The following GRK4 variants were observed in gnomAD, a reference collection of about 807,000 sequenced individuals.
The protein encoded by GRK4 is G protein-coupled receptor kinase 2-like.
In GRK4, 73 loss-of-function variants were observed where a neutral mutation model predicts 77.9. That is an observed-to-expected ratio of 0.94 (90% CI 0.78 to 1.14). The LOEUF (loss-of-function observed/expected upper bound fraction) is 1.14. Ranked by LOEUF, GRK4 falls within the 50% of genes most tolerant of loss-of-function variation. The probability of loss-of-function intolerance (pLI) is 0.00; values close to 1 mark genes in which losing one functional copy is unlikely to be tolerated. For missense variants in GRK4, 729 were observed against 700.2 expected (o/e 1.04, Z -0.46); for synonymous variants, 257 against 254.4 (o/e 1.01, Z -0.10).
intron 13 of GRK4, among the ~76,000 whole-genome samples, chr4:3,037,044 GGTGTGTGTGTGTGTGTGT>G (rs1271637092): frequency 6.9e-6 from 1 of 144,276 alleles, no homozygotes; most frequent in African/African-American, 2.6e-5. Context: ...CCTCAGGAGG[GGTGTGTGTGTGTGTGTGT>G]GTGTGTGTAT....
chr4:3,009,784 AG>A, intron 7 of GRK4, 73 bp downstream of exon 7: 1 of 1,077,094 alleles, frequency 9.3e-7, no homozygotes, highest in Non-Finnish European at 1.4e-6. Flanking sequence ...ACATGGCTTC[AG>A]GTAATGCATC....
intron 3 of GRK4, among the ~76,000 whole-genome samples, chr4:2,991,213 T>A (rs1402964998): frequency 6.6e-6 from 1 of 152,186 alleles, no homozygotes; most frequent in Non-Finnish European, 1.5e-5. Context: ...GAAGCTGCCG[T>A]CCTCAGGCAG....
intron 7 of GRK4, among the ~76,000 whole-genome samples, chr4:3,013,292 T>A (rs998387604): frequency 2.0e-5 from 3 of 152,074 alleles, no homozygotes; most frequent in African/African-American, 7.2e-5. Flanking sequence ...CCTCAGGTGA[T>A]CTGCCTGCCT....
In GRK4 at chr4:2,984,585, G is replaced by T; in HGVS notation, c.125G>T (p.Cys42Phe). 1 of 1,611,594 alleles carries T rather than the reference G, an allele frequency of 6.2e-7. No homozygotes were observed. The highest frequency in any genetic ancestry group is 8.5e-7 in the Non-Finnish European group (1 of 1,178,198). Reference protein sequence around the residue: ...EILTLPPVSQCSELRHSIEKD... With the variant: ...EILTLPPVSQFSELRHSIEKD... ...CTGACACTGCCTCCTGTCAGCCAGT[G>T]CAGTGAGCTTAGACATTCCATTGGT... The change falls in exon 2 of 16, where the codon TGC (cysteine) becomes TTC (phenylalanine). Residue 42 changes from cysteine to phenylalanine, a missense_variant. Physicochemically the swap from Cys to Phe is radical, Grantham distance 205. Coordinates refer to ENST00000398052, the MANE Select transcript of GRK4 (RefSeq NM_182982.3).
intron 1 of GRK4, among the ~76,000 whole-genome samples, chr4:2,975,889 A>G (rs1356338130): frequency 1.3e-5 from 2 of 152,220 alleles, no homozygotes; most frequent in African/African-American, 4.8e-5. Context: ...AATCAAACCA[A>G]AATTGAGTCA....
In GRK4 at chr4:3,037,481, C is replaced by G; in HGVS notation, c.1515C>G (p.Thr505=). ...ADEDFYARFA[T]GCVSIPWQNE... ...AAGACTTCTATGCTCGGTTTGCTAC[C>G]GGGTGTGTCTCCATCCCCTGGCAGA... Residue 505 remains threonine, a synonymous_variant, in exon 14 of 16, where the codon ACC becomes ACG. Coordinates refer to ENST00000398052, the MANE Select transcript of GRK4 (RefSeq NM_182982.3). The G allele has an allele frequency of 6.2e-7, 1 of 1,608,970 alleles. No homozygotes were observed.
At chr4:3,012,594 C>G (rs374732960) in intron 7 of GRK4, among the ~76,000 whole-genome samples, 1 of 151,902 alleles carries the variant, frequency 6.6e-6, no homozygotes, top group Non-Finnish European at 1.5e-5. Flanking sequence ...TAAAGCAGTC[C>G]CCTGTGGGGT....
At chr4:3,025,924 G>T (rs1214502693) in intron 10 of GRK4, among the ~76,000 whole-genome samples, 1 of 152,134 alleles carries the variant, frequency 6.6e-6, no homozygotes, top group African/African-American at 2.4e-5. Context: ...TCCTCCACGT[G>T]GCTATTTCAC....
At chr4:3,014,562 G>T (rs1733906354) in intron 8 of GRK4, among the ~76,000 whole-genome samples, 2 of 152,036 alleles carry the variant, frequency 1.3e-5, no homozygotes, top group South Asian at 4.2e-4. Context: ...GGGAGGCCAA[G>T]GAGGGTGGAT....
intron 10 of GRK4, among the ~76,000 whole-genome samples, chr4:3,023,789 A>C: frequency 6.6e-6 from 1 of 152,218 alleles, no homozygotes; most frequent in East Asian, 1.9e-4. Context: ...CTCTGTATGC[A>C]AAGTGGAGCA....
chr4:2,990,378 T>C (rs1204364976), intron 3 of GRK4, among the ~76,000 whole-genome samples: 1 of 149,774 alleles, frequency 6.7e-6, no homozygotes, highest in African/African-American at 2.5e-5. Context: ...TGCCTCAGCC[T>C]CCTGAGTAGC....
At position 3,038,777 on chromosome 4, in the gene GRK4, G is replaced by A. The variant is rs989874356; in HGVS notation, c.1683+264G>A. The A allele has an allele frequency of 6.2e-5, 25 of 400,066 alleles. No individual in the cohort carries two copies. The South Asian group carries it at 6.9e-4, about 11-fold the overall frequency. 24.8% of individuals were successfully genotyped at this position (400,066 alleles called of 1,614,324 possible). A position where few individuals can be genotyped will look rare whatever the true frequency, so the allele number is the denominator to read the frequency against. On this transcript the variant is annotated intron_variant, in intron 15 of 15. Transcript: ENST00000398052. The stretch of plus-strand genomic sequence containing the variant: ...GCATTTACAAACAGGTTCCCGTGTC[G>A]CTGACAAAATAGTTTACACTGGGCT...
chr4:3,019,008 A>G (rs1162239130), intron 8 of GRK4, among the ~76,000 whole-genome samples: 2 of 152,160 alleles, frequency 1.3e-5, no homozygotes, highest in East Asian at 1.9e-4. Flanking sequence ...TGCAGCCCCA[A>G]TCAGAATCCC....
chr4:2,995,506 TAAAAA>T (rs35993504), intron 4 of GRK4, among the ~76,000 whole-genome samples: 2 of 93,966 alleles, frequency 2.1e-5, no homozygotes, highest in Admixed American at 2.5e-4. Context: ...TCATCTCTAC[TAAAAA>T]AAAAAAAAAA....
In GRK4 at chr4:2,964,093, C is replaced by A. The variant is rs767218370; in HGVS notation, c.23C>A (p.Ala8Asp). MELENIV[A>D]NSLLLKARQG... ...GACATGGAGCTCGAGAACATCGTGG[C>A]CAACTCGCTGCTGCTGAAAGCGCGT... The change falls in exon 1 of 16, where the codon GCC (alanine) becomes GAC (aspartate). Residue 8 changes from alanine to aspartate, a missense_variant. By Grantham distance (126) the Ala-to-Asp change is moderately radical (BLOSUM62 -2). Coordinates refer to ENST00000398052, the MANE Select transcript of GRK4 (RefSeq NM_182982.3). 1 of 1,608,540 alleles carries A rather than the reference C, an allele frequency of 6.2e-7. No homozygotes were observed. The highest frequency in any genetic ancestry group is 8.5e-7 in the Non-Finnish European group (1 of 1,178,950).
intron 14 of GRK4, among the ~76,000 whole-genome samples, chr4:3,037,778 G>A (rs906175355): frequency 7.9e-5 from 12 of 152,072 alleles, no homozygotes; most frequent in African/African-American, 2.7e-4. Flanking sequence ...AGCCAGGCAT[G>A]GTGGCAGGCA....
At chr4:3,034,696 A>G (rs974071219) in intron 12 of GRK4, among the ~76,000 whole-genome samples, 4 of 152,226 alleles carry the variant, frequency 2.6e-5, no homozygotes, top group African/African-American at 9.6e-5. Flanking sequence ...CAAAATATTA[A>G]GAAGATATTT....
At chr4:2,988,925 C>T in intron 3 of GRK4, 86 bp downstream of exon 3, 2 of 812,466 alleles carry the variant, frequency 2.5e-6, no homozygotes, top group African/African-American at 1.7e-5. Context: ...GTAGCTCATG[C>T]TGTAATCCCA....
At chr4:2,986,506 C>G (rs1724423803) in intron 2 of GRK4, among the ~76,000 whole-genome samples, 1 of 151,606 alleles carries the variant, frequency 6.6e-6, no homozygotes, top group Non-Finnish European at 1.5e-5. Flanking sequence ...CAGGTGCCCA[C>G]CACCACGCCC....
Sources: gnomAD v4.1 joint callset for allele counts (sites outside exome capture counted in the v4.1 genomes callset) on GRCh38, gnomAD v4.1.1 for gene constraint, MANE v1.5 for transcripts, NCBI Gene and HGNC (gene_info 2026-07-23, HGNC 2026-07-21) for gene names.